PIEZO2: variants seen among roughly 807,000 people sequenced by gnomAD.
PIEZO2 encodes piezo type mechanosensitive ion channel component 2, also known as piezo-type mechanosensitive ion channel component 2.
A neutral mutation model predicts 337.3 loss-of-function variants in PIEZO2; 172 were observed. That is an observed-to-expected ratio of 0.51 (90% confidence interval 0.45 to 0.58). PIEZO2 has a LOEUF of 0.58. Ranked by LOEUF, PIEZO2 falls within the 20% of genes least tolerant of loss-of-function variation. PIEZO2 has a pLI of 0.00. For synonymous variants in PIEZO2, 1,251 were observed against 1,228.5 expected (o/e 1.02, Z -0.38); for missense variants, 3,028 against 3,391.3 (o/e 0.89, Z 2.66).
intron 26 of PIEZO2, 94 bp from the exon 27 acceptor site, chr18:10,758,228 C>T: frequency 7.4e-7 from 1 of 1,353,764 alleles, no homozygotes; most frequent in Non-Finnish European, 9.9e-7. Context: ...AGCCATTCCC[C>T]AGCTCCTAAG....
chr18:11,060,065 C>A (rs1249994393), intron 2 of PIEZO2, among the ~76,000 whole-genome samples: 2 of 152,148 alleles, frequency 1.3e-5, no homozygotes, highest in Admixed American at 1.3e-4. Flanking sequence ...GTCTCTCAGA[C>A]CACAGTGCAA....
In PIEZO2 at chr18:10,696,061, C is replaced by T; in HGVS notation, c.7190+13G>A. The T allele has an allele frequency of 6.2e-7, 1 of 1,609,344 alleles. No homozygotes were observed. The highest frequency in any genetic ancestry group is 2.2e-5 in the East Asian group (1 of 44,854). ...GGAGGCAGGTTGGTGCCTCTGGCTT[C>T]TGAAGACCTTACCTCTCAGTCACAC... is the stretch of plus-strand genomic sequence containing the variant. On this transcript the variant is annotated intron_variant, in intron 47 of 55. Coordinates refer to ENST00000674853, the MANE Select transcript of PIEZO2 (RefSeq NM_001378183.1).
chr18:10,735,534 T>G (rs1263193267), intron 34 of PIEZO2, among the ~76,000 whole-genome samples: 10 of 152,160 alleles, frequency 6.6e-5, no homozygotes, highest in Non-Finnish European at 2.9e-5. Flanking sequence ...CCATCCAACA[T>G]AGTGAAGATG....
At position 11,010,270 on chromosome 18, in the gene PIEZO2, T is replaced by C. The variant is rs147658124; in HGVS notation, c.161-30610A>G. Among the ~76,000 whole-genome samples, 39 of 152,344 alleles carry C rather than the reference T, an allele frequency of 2.6e-4. No homozygotes were observed. In the South Asian group the frequency reaches 6.8e-3, roughly 27 times the overall value. On this transcript the variant is annotated intron_variant, in intron 2 of 55. Coordinates refer to ENST00000674853, the MANE Select transcript of PIEZO2 (RefSeq NM_001378183.1). Reference sequence around the variant, plus strand: ...GAGGGAAATTAAAGCCCTTAAAGCATAATCACTCCATGCTTTGGGTTCCAA... The same window carrying C: ...GAGGGAAATTAAAGCCCTTAAAGCACAATCACTCCATGCTTTGGGTTCCAA...
intron 4 of PIEZO2, among the ~76,000 whole-genome samples, chr18:10,889,840 G>A (rs996184503): frequency 7.2e-5 from 11 of 152,314 alleles, no homozygotes; most frequent in East Asian, 3.9e-4. Context: ...CTGCCACCCC[G>A]TGGATGTGTT....
At chr18:11,122,647 C>T (rs6505619) in intron 1 of PIEZO2, among the ~76,000 whole-genome samples, 127,892 of 152,152 alleles carry the variant, frequency 0.84, 53,955 homozygotes, top group East Asian at 0.9. Flanking sequence ...AATTAAAAAA[C>T]GAGGTGAAAC....
intron 11 of PIEZO2, among the ~76,000 whole-genome samples, chr18:10,799,507 G>A (rs77047005): frequency 0.059 from 8,566 of 145,588 alleles, 294 homozygotes; most frequent in Non-Finnish European, 0.07. Context: ...TAAATGCTGC[G>A]CAGACCAAAA....
intron 28 of PIEZO2, 90 bp downstream of exon 28, chr18:10,752,546 T>A: frequency 7.2e-7 from 1 of 1,390,156 alleles, no homozygotes; most frequent in East Asian, 2.5e-5. Context: ...GAGAGCAACA[T>A]GACAAGCACT....
chr18:10,687,454 C>T (rs1282487399), intron 49 of PIEZO2, among the ~76,000 whole-genome samples: 2 of 151,604 alleles, frequency 1.3e-5, no homozygotes, highest in Admixed American at 6.6e-5. Flanking sequence ...CCACTCTACT[C>T]TCATGCTTAG....
rs141106235 is a variant in PIEZO2, at chr18:11,121,572, A to G, written c.64+26953T>C. Among the ~76,000 whole-genome samples, 498 of 152,264 alleles carry G rather than the reference A, an allele frequency of 3.3e-3. 2 individuals are homozygous for G. The highest frequency in any genetic ancestry group is 0.011 in the African/African-American group (470 of 41,564). On this transcript the variant is annotated intron_variant, in intron 1 of 55. Transcript: ENST00000674853. Reference sequence around the variant, plus strand: ...CAGAGCAAGACCCTGTTTTTAAACAATTTTAAAGCTGATGGAGCATGAGTT... The same window carrying G: ...CAGAGCAAGACCCTGTTTTTAAACAGTTTTAAAGCTGATGGAGCATGAGTT...
At chr18:10,984,103 A>G (rs558595240) in intron 2 of PIEZO2, among the ~76,000 whole-genome samples, 15 of 152,332 alleles carry the variant, frequency 9.8e-5, no homozygotes, top group Admixed American at 4.6e-4. Context: ...GAAGGTGACT[A>G]CTTCTTCAAA....
At chr18:10,816,677 A>G (rs547728910) in intron 7 of PIEZO2, among the ~76,000 whole-genome samples, 1 of 150,548 alleles carries the variant, frequency 6.6e-6, no homozygotes, top group South Asian at 2.1e-4. Context: ...AGGAAAAAAA[A>G]TTGGTGCATC....
At chr18:10,885,480 T>C (rs778881658) in intron 4 of PIEZO2, among the ~76,000 whole-genome samples, 3 of 152,076 alleles carry the variant, frequency 2.0e-5, no homozygotes, top group Non-Finnish European at 2.9e-5. Flanking sequence ...AAGGAGGTGA[T>C]AGGAACAGTT....
intron 2 of PIEZO2, among the ~76,000 whole-genome samples, chr18:10,994,117 A>T (rs549747730): frequency 6.6e-6 from 1 of 152,286 alleles, no homozygotes; most frequent in South Asian, 2.1e-4. Context: ...TTGGTTTTCC[A>T]TTCCTAAATT....
intron 28 of PIEZO2, among the ~76,000 whole-genome samples, chr18:10,751,936 G>A (rs979174458): frequency 3.3e-5 from 5 of 152,094 alleles, no homozygotes; most frequent in Admixed American, 3.3e-4. Context: ...GGGAAGAGTT[G>A]TGTTCTGAAA....
At chr18:11,138,975 ATCT>A (rs1387947580) in intron 1 of PIEZO2, among the ~76,000 whole-genome samples, 20 of 152,230 alleles carry the variant, frequency 1.3e-4, no homozygotes, top group African/African-American at 4.8e-4. Flanking sequence ...TCTCTAAGTT[ATCT>A]GCCCATTGAA....
rs1159666547 is a variant in PIEZO2, at chr18:10,714,882, T to C, written c.5305A>G (p.Ile1769Val). The C allele has an allele frequency of 2.6e-6, 4 of 1,537,154 alleles. No homozygotes were observed. The highest frequency in any genetic ancestry group is 3.5e-6 in the Non-Finnish European group (4 of 1,146,920). ...ESIHMYYQNH[I>V]MNLSRESGLD... ...CCCGACTCTCTGGAAAGGTTCATGA[T>C]GTGGTTCTGATAGTACATGTGGATG... Residue 1769 changes from isoleucine to valine, a missense_variant, in exon 39 of 56, where the codon ATC (isoleucine) becomes GTC (valine). By Grantham distance (29) the Ile-to-Val change is conservative. Transcript: ENST00000674853.
At chr18:11,022,053 C>G (rs1001813252) in intron 2 of PIEZO2, among the ~76,000 whole-genome samples, 1 of 152,162 alleles carries the variant, frequency 6.6e-6, no homozygotes, top group African/African-American at 2.4e-5. Flanking sequence ...ACTTTGTAAT[C>G]GATCTCTGCC....
chr18:10,804,915 T>C (rs190476063), intron 8 of PIEZO2, among the ~76,000 whole-genome samples: 1 of 152,272 alleles, frequency 6.6e-6, no homozygotes, highest in Non-Finnish European at 1.5e-5. Context: ...ACATGAAATG[T>C]TGATGATAGT....
Sources: allele counts gnomAD v4.1 joint callset (sites outside exome capture counted in the v4.1 genomes callset), GRCh38; gene constraint gnomAD v4.1.1; transcripts MANE v1.5; gene names NCBI Gene and HGNC (gene_info 2026-07-23, HGNC 2026-07-21).